Variants in FBXL7 observed in about 807,000 individuals in gnomAD.
FBXL7 encodes F-box/LRR-repeat protein 7.
A neutral mutation model predicts 38.3 loss-of-function variants in FBXL7; 12 were observed. The ratio of observed to expected loss-of-function variants is 0.31; its 90% CI spans 0.20 to 0.51. The LOEUF (loss-of-function observed/expected upper bound fraction) is 0.51. FBXL7 is among the 20% of genes least tolerant of loss of function. The pLI is 0.98. For missense variants in FBXL7, 567 were observed against 676.4 expected, an observed-to-expected ratio of 0.84 and a Z score of 1.79; for synonymous variants, 297 against 300.9, an observed-to-expected ratio of 0.99 and a Z score of 0.13.
Position 15,758,286 on chromosome 5 carries a change from C to T in FBXL7, c.127+142214C>T, listed in dbSNP as rs144604395. On this transcript the variant is annotated intron_variant, in intron 2 of 3. Coordinates refer to ENST00000504595, the MANE Select transcript of FBXL7 (RefSeq NM_012304.5). The stretch of plus-strand genomic sequence containing the variant: ...ATTTAATCTTTATATAGTCTTAAGG[C>T]GAGAAAGGACTTTATAAACAAGGGC... Among the ~76,000 whole-genome samples the T allele has an allele frequency of 2.5e-3, 369 of 148,794 alleles. 3 individuals carry two copies. Among genetic ancestry groups the T allele is most frequent in the African/African-American group, 8.3e-3 (340 of 40,724 alleles).
intron 1 of FBXL7, among the ~76,000 whole-genome samples, chr5:15,530,038 G>A (rs961941009): frequency 2.6e-5 from 4 of 152,168 alleles, no homozygotes; most frequent in African/African-American, 9.7e-5. Flanking sequence ...TGGAACTGTA[G>A]CAGGAATTTT....
At chr5:15,752,301 G>A (rs1005230659) in intron 2 of FBXL7, among the ~76,000 whole-genome samples, 1 of 142,356 alleles carries the variant, frequency 7.0e-6, no homozygotes, top group Non-Finnish European at 1.5e-5. Context: ...GCAGGGAAGG[G>A]GTTAGAGGCT....
chr5:15,655,373 G>A (rs890248154), intron 2 of FBXL7, among the ~76,000 whole-genome samples: 17 of 151,816 alleles, frequency 1.1e-4, no homozygotes, highest in African/African-American at 4.1e-4. Context: ...GCACACACTT[G>A]TAGGCAGCTA....
rs551848844 is a variant in FBXL7, at chr5:15,708,885, G to T, written c.127+92813G>T. On this transcript the variant is annotated intron_variant, in intron 2 of 3. Transcript: ENST00000504595. ...GGAATATTTGAATACAGCTAAATTT[G>T]CAGCAGTGAGGTGATGTGCTTTAGG... Among the ~76,000 whole-genome samples, 962 of 152,300 alleles carry T rather than the reference G, an allele frequency of 6.3e-3. 6 individuals carry two copies. The highest frequency in any genetic ancestry group is 0.022 in the African/African-American group (912 of 41,564).
chr5:15,892,768 AT>A (rs1740953528), intron 2 of FBXL7, among the ~76,000 whole-genome samples: 1 of 152,150 alleles, frequency 6.6e-6, no homozygotes, highest in African/African-American at 2.4e-5. Flanking sequence ...TTTCTGTTTC[AT>A]TTTTATAACA....
At chr5:15,528,441 AT>A (rs1737314815) in intron 1 of FBXL7, among the ~76,000 whole-genome samples, 1 of 152,182 alleles carries the variant, frequency 6.6e-6, no homozygotes, top group Non-Finnish European at 1.5e-5. Flanking sequence ...TGGGTAACTT[AT>A]AAAGAAAAAT....
At chr5:15,847,318 G>A (rs1222755052) in intron 2 of FBXL7, among the ~76,000 whole-genome samples, 1 of 152,172 alleles carries the variant, frequency 6.6e-6, no homozygotes, top group Non-Finnish European at 1.5e-5. Context: ...AGCAAGAAAT[G>A]CTGAGCAAAA....
chr5:15,932,809 T>C (rs1392859207), intron 3 of FBXL7, among the ~76,000 whole-genome samples: 1 of 152,220 alleles, frequency 6.6e-6, no homozygotes. Flanking sequence ...AATTATGCCA[T>C]GGTGGCTTCC....
Position 15,776,591 on chromosome 5 carries a change from A to G in FBXL7, c.128-151299A>G, listed in dbSNP as rs527704812. Among the ~76,000 whole-genome samples, 7 of 152,270 alleles carry G rather than the reference A, an allele frequency of 4.6e-5. No homozygotes were observed. The East Asian group carries it at 1.3e-3, about 29-fold the overall frequency. ...AAGCACTGCATCTGTAATACATTCT[A>G]AAAGGATAATTGTGTCTGGGGCTCA... On this transcript the variant is annotated intron_variant, in intron 2 of 3. Transcript: ENST00000504595.
chr5:15,716,146 G>A lies in FBXL7; in HGVS notation c.127+100074G>A, dbSNP rs144269379. Among the ~76,000 whole-genome samples the A allele has an allele frequency of 2.3e-3, 349 of 152,276 alleles. 3 individuals carry two copies. The highest frequency in any genetic ancestry group is 8.0e-3 in the African/African-American group (333 of 41,562). ...AACTGGACTATAAAACGATGTTTTTGTGTACAGCTTTCAGGATTGCTAACG... is the reference window on the plus strand; with the variant it reads ...AACTGGACTATAAAACGATGTTTTTATGTACAGCTTTCAGGATTGCTAACG... On this transcript the variant is annotated intron_variant, in intron 2 of 3. Coordinates refer to ENST00000504595, the MANE Select transcript of FBXL7 (RefSeq NM_012304.5).
intron 2 of FBXL7, among the ~76,000 whole-genome samples, chr5:15,863,907 G>T (rs571819623): frequency 4.1e-4 from 63 of 152,278 alleles, no homozygotes; most frequent in African/African-American, 1.3e-3. Context: ...TCTTGAACTT[G>T]GTAGCCATTA....
chr5:15,646,208 T>A (rs1449129580), intron 2 of FBXL7, among the ~76,000 whole-genome samples: 1 of 152,208 alleles, frequency 6.6e-6, no homozygotes, highest in Non-Finnish European at 1.5e-5. Context: ...TAATAGTTAA[T>A]ACATAATAAG....
chr5:15,888,147 C>T (rs1740754554), intron 2 of FBXL7, among the ~76,000 whole-genome samples: 1 of 152,108 alleles, frequency 6.6e-6, no homozygotes, highest in South Asian at 2.1e-4. Flanking sequence ...ATCAATTTTG[C>T]CCTCCAAATT....
At chr5:15,793,303 T>A (rs1737325433) in intron 2 of FBXL7, among the ~76,000 whole-genome samples, 1 of 152,226 alleles carries the variant, frequency 6.6e-6, no homozygotes, top group South Asian at 2.1e-4. Flanking sequence ...AGGGCTGTAC[T>A]CCCTTGGAAG....
At chr5:15,591,428 C>CA (rs199519096) in intron 1 of FBXL7, among the ~76,000 whole-genome samples, 11,574 of 98,856 alleles carry the variant, frequency 0.12, 571 homozygotes, top group South Asian at 0.23. Flanking sequence ...GACTCTGTCT[C>CA]AAAAAAAAAA....
At chr5:15,629,283 C>T (rs570832229) in intron 2 of FBXL7, among the ~76,000 whole-genome samples, 1 of 152,104 alleles carries the variant, frequency 6.6e-6, no homozygotes, top group South Asian at 2.1e-4. Flanking sequence ...TCAGAAGAAA[C>T]GGAAATATAC....
intron 2 of FBXL7, among the ~76,000 whole-genome samples, chr5:15,701,472 C>T (rs1743517950): frequency 6.6e-6 from 1 of 152,070 alleles, no homozygotes; most frequent in Admixed American, 6.5e-5. Flanking sequence ...GGTCACAGAG[C>T]GTCATCATTG....
At chr5:15,678,038 T>A (rs76376130) in intron 2 of FBXL7, among the ~76,000 whole-genome samples, 13,691 of 152,228 alleles carry the variant, frequency 0.09, 752 homozygotes, top group South Asian at 0.13. Context: ...GTTTCCCATA[T>A]GTCCTTCTGT....
intron 2 of FBXL7, among the ~76,000 whole-genome samples, chr5:15,656,576 C>A (rs1369117541): frequency 6.6e-6 from 1 of 152,074 alleles, no homozygotes; most frequent in African/African-American, 2.4e-5. Context: ...TCAGTTATCT[C>A]CCACCCGGTC....
Sources: allele counts gnomAD v4.1 joint callset (sites outside exome capture counted in the v4.1 genomes callset), GRCh38; gene constraint gnomAD v4.1.1; transcripts MANE v1.5; gene names NCBI Gene and HGNC (gene_info 2026-07-23, HGNC 2026-07-21).